Variants in GRM5 observed in about 807,000 individuals in gnomAD.
The protein encoded by GRM5 is glutamate metabotropic receptor 5.
Under a neutral mutation model 83.1 loss-of-function variants are expected in GRM5, and 19 were observed. The ratio of observed to expected loss-of-function variants is 0.23; its 90% CI spans 0.16 to 0.34. The LOEUF (loss-of-function observed/expected upper bound fraction) is 0.34. GRM5 is among the 10% of genes least tolerant of loss of function. The pLI is 1.00. For missense variants in GRM5, 1,160 were observed against 1,588.3 expected, an observed-to-expected ratio of 0.73 and a Z score of 4.58; for synonymous variants, 675 against 633.6, an observed-to-expected ratio of 1.07 and a Z score of -0.98.
chr11:88,702,960 G>T (rs1168108807), intron 3 of GRM5, among the ~76,000 whole-genome samples: 3 of 152,060 alleles, frequency 2.0e-5, no homozygotes, highest in Non-Finnish European at 4.4e-5. Context: ...AATTTATGTT[G>T]TTTAAGCCAT....
chr11:88,988,047 C>T (rs1309924275), intron 2 of GRM5, among the ~76,000 whole-genome samples: 4 of 150,736 alleles, frequency 2.7e-5, no homozygotes, highest in East Asian at 1.9e-4. Flanking sequence ...AGGCTTCAGA[C>T]GATCAAATTA....
intron 9 of GRM5, among the ~76,000 whole-genome samples, chr11:88,517,193 A>T (rs1184602004): frequency 1.3e-5 from 2 of 151,604 alleles, no homozygotes; most frequent in Admixed American, 1.3e-4. Flanking sequence ...CATTCTTTTA[A>T]TCTTTAAAAA....
chr11:88,880,330 G>C (rs1336372278), intron 2 of GRM5, among the ~76,000 whole-genome samples: 1 of 152,132 alleles, frequency 6.6e-6, no homozygotes, highest in Non-Finnish European at 1.5e-5. Flanking sequence ...ATGCATTGAA[G>C]AGATTATGGC....
chr11:88,882,534 C>A (rs1335968579), intron 2 of GRM5, among the ~76,000 whole-genome samples: 8 of 147,900 alleles, frequency 5.4e-5, no homozygotes. Flanking sequence ...GCAGTCCGGT[C>A]TGGGCAAAAG....
chr11:88,700,121 T>C (rs1940994738), intron 3 of GRM5, among the ~76,000 whole-genome samples: 2 of 152,136 alleles, frequency 1.3e-5, no homozygotes, highest in African/African-American at 4.8e-5. Context: ...CTTGGCTGAT[T>C]GATTAGGAAA....
At chr11:88,905,797 A>G (rs1243780376) in intron 2 of GRM5, among the ~76,000 whole-genome samples, 1 of 152,188 alleles carries the variant, frequency 6.6e-6, no homozygotes, top group Non-Finnish European at 1.5e-5. Flanking sequence ...AGACACTGAG[A>G]TGAGCAAATG....
chr11:88,718,130 C>G (rs953055331), intron 3 of GRM5, among the ~76,000 whole-genome samples: 2 of 151,852 alleles, frequency 1.3e-5, no homozygotes, highest in Non-Finnish European at 2.9e-5. Context: ...TCTTAAAACT[C>G]TCTGTAAGAT....
At chr11:88,832,770 T>C (rs1375290001) in intron 3 of GRM5, among the ~76,000 whole-genome samples, 2 of 152,104 alleles carry the variant, frequency 1.3e-5, no homozygotes, top group Admixed American at 6.5e-5. Flanking sequence ...AAATGGTACA[T>C]AGACCAACAG....
intron 2 of GRM5, among the ~76,000 whole-genome samples, chr11:88,986,056 T>C (rs1401626554): frequency 6.6e-6 from 1 of 152,166 alleles, no homozygotes; most frequent in Non-Finnish European, 1.5e-5. Context: ...TATATTTACA[T>C]ATAAATGTGT....
chr11:88,993,265 CAAA>C (rs71046275), intron 2 of GRM5, among the ~76,000 whole-genome samples: 2 of 102,642 alleles, frequency 1.9e-5, no homozygotes, highest in African/African-American at 4.0e-5. Flanking sequence ...GACTCTGTCT[CAAA>C]AAAAAAAAAA....
intron 2 of GRM5, among the ~76,000 whole-genome samples, chr11:88,933,157 C>T (rs1362518123): frequency 4.1e-5 from 6 of 147,496 alleles, no homozygotes; most frequent in Non-Finnish European, 7.4e-5. Context: ...TCAGAAAATA[C>T]CTCAGGTCTG....
At chr11:88,768,440 G>T (rs971848922) in intron 3 of GRM5, among the ~76,000 whole-genome samples, 1 of 151,874 alleles carries the variant, frequency 6.6e-6, no homozygotes, top group African/African-American at 2.4e-5. Flanking sequence ...AGACGCTGGT[G>T]GGAGGAGAGA....
At chr11:88,530,029 T>C (rs904862766) in intron 8 of GRM5, among the ~76,000 whole-genome samples, 3 of 152,064 alleles carry the variant, frequency 2.0e-5, no homozygotes, top group African/African-American at 7.2e-5. Context: ...AGGATTGTTA[T>C]ACACAGGGGA....
At chr11:88,511,847 T>C (rs1941379541) in intron 9 of GRM5, 1 of 152,220 alleles carries the variant, frequency 6.6e-6, no homozygotes, top group Non-Finnish European at 1.5e-5. Context: ...CCCTTTCTCC[T>C]ATCAGAAGGA....
rs3031469 is a variant in GRM5, at chr11:88,844,357, TACACACAC to T, written c.911+5541_911+5548del. On this transcript the variant is annotated intron_variant, in intron 3 of 9. Coordinates refer to ENST00000305447, the MANE Select transcript of GRM5 (RefSeq NM_001143831.3). Reference sequence around the variant, plus strand: ...TTTTAAGTCTACTTTTCAGAATTACTACACACACACACACACACACACACACACACACA... The same window carrying T: ...TTTTAAGTCTACTTTTCAGAATTACTACACACACACACACACACACACACA... 8.4e-4 allele frequency among the ~76,000 whole-genome samples: 123 copies of T among 146,210 alleles called. 1 individual carries two copies. The highest frequency in any genetic ancestry group is 2.8e-3 in the African/African-American group (111 of 40,074).
At chr11:88,550,440 T>C (rs1942479841) in intron 8 of GRM5, among the ~76,000 whole-genome samples, 1 of 152,192 alleles carries the variant, frequency 6.6e-6, no homozygotes, top group Non-Finnish European at 1.5e-5. Context: ...TCTGAATCTG[T>C]CTTTAGGACA....
intron 9 of GRM5, among the ~76,000 whole-genome samples, chr11:88,516,164 A>G (rs187605273): frequency 1.3e-3 from 197 of 152,354 alleles, no homozygotes; most frequent in African/African-American, 4.6e-3. Context: ...TTAGTGAAAT[A>G]AAGTGAACTA....
At chr11:88,713,849 C>T (rs528419268) in intron 3 of GRM5, among the ~76,000 whole-genome samples, 3 of 151,906 alleles carry the variant, frequency 2.0e-5, no homozygotes, top group East Asian at 3.9e-4. Context: ...CTAGGAATTT[C>T]CCAAAATTTT....
In GRM5 at chr11:88,987,793, G is replaced by A. The variant is rs1163143340; in HGVS notation, c.661+59419C>T. On this transcript the variant is annotated intron_variant, in intron 2 of 9. Coordinates refer to ENST00000305447, the MANE Select transcript of GRM5 (RefSeq NM_001143831.3). ...AGGGTACTCCAACAGACCTGCAGCT[G>A]AGGGTCCTGTCTGTTAGAAGGAAAA... 4.0e-5 allele frequency among the ~76,000 whole-genome samples: 6 copies of A among 151,768 alleles called. No homozygotes were observed. In the East Asian group the frequency reaches 9.7e-4, roughly 25 times the overall value.
Sources: allele counts gnomAD v4.1 joint callset (sites outside exome capture counted in the v4.1 genomes callset), GRCh38; gene constraint gnomAD v4.1.1; transcripts MANE v1.5; gene names NCBI Gene and HGNC (gene_info 2026-07-23, HGNC 2026-07-21).